The following OLR1 variants were observed in gnomAD, a reference collection of about 807,000 sequenced individuals.
The protein encoded by OLR1 is oxidized low-density lipoprotein receptor 1.
In OLR1, 23 loss-of-function variants were observed where a neutral mutation model predicts 31.7. The ratio of observed to expected loss-of-function variants is 0.72; its 90% confidence interval spans 0.52 to 1.03. The LOEUF is 1.03. Among genes scored for constraint, OLR1 ranks in the 50% least tolerant of loss-of-function variants. The probability of loss-of-function intolerance (pLI) is 0.00; values close to 1 mark genes in which losing one functional copy is unlikely to be tolerated. For missense variants in OLR1, 286 were observed against 315.7 expected, an observed-to-expected ratio of 0.91 and a Z score of 0.71; for synonymous variants, 117 against 115.8, an observed-to-expected ratio of 1.01 and a Z score of -0.07.
chr12:10,173,247 A>T (rs546770852), upstream of OLR1, among the ~76,000 whole-genome samples: 1 of 152,210 alleles, frequency 6.6e-6, no homozygotes, highest in African/African-American at 2.4e-5. Flanking sequence ...TGTCTTCTGA[A>T]GGAAGTATTT....
At chr12:10,162,604 G>A (rs1388152210) in intron 3 of OLR1, among the ~76,000 whole-genome samples, 1 of 152,156 alleles carries the variant, frequency 6.6e-6, no homozygotes, top group Non-Finnish European at 1.5e-5. Context: ...GAGGTGGGTG[G>A]ATCGCTTGAG....
upstream of OLR1, among the ~76,000 whole-genome samples, chr12:10,174,670 T>C (rs1259041071): frequency 6.6e-6 from 1 of 152,212 alleles, no homozygotes; most frequent in Non-Finnish European, 1.5e-5. Context: ...TTCCTTATAA[T>C]AAACCTATTT....
chr12:10,165,773 AAAAG>A (rs1948656701), intron 3 of OLR1, among the ~76,000 whole-genome samples: 1 of 152,226 alleles, frequency 6.6e-6, no homozygotes, highest in South Asian at 2.1e-4. Flanking sequence ...AAAATAAAAA[AAAAG>A]AAAGAAAAAT....
At chr12:10,171,174 T>C (rs556792854) in intron 1 of OLR1, among the ~76,000 whole-genome samples, 1 of 152,378 alleles carries the variant, frequency 6.6e-6, no homozygotes, top group South Asian at 2.1e-4. Flanking sequence ...CACTCCATGC[T>C]CACACTTATG....
At chr12:10,170,343 C>G (rs1334885019) in intron 1 of OLR1, 1 of 152,158 alleles carries the variant, frequency 6.6e-6, no homozygotes, top group Non-Finnish European at 1.5e-5. Context: ...GTGTGGCAAG[C>G]TAGCAGAGAA....
rs534826279 is a variant in OLR1 at position 10,164,352 on chromosome 12, C to A, written c.424+2360G>T. Among the ~76,000 whole-genome samples the A allele has an allele frequency of 5.2e-4, 79 of 152,234 alleles. 1 individual carries two copies. Among genetic ancestry groups the A allele is most frequent in the Non-Finnish European group, 1.0e-3 (70 of 67,996 alleles). The stretch of plus-strand genomic sequence containing the variant: ...GACACTTGCTAAAAATTATTTTGTT[C>A]AAAAATTTCTGCTAATTTTGAAAAT... On this transcript the variant is annotated intron_variant, in intron 3 of 5. Coordinates refer to ENST00000309539, the MANE Select transcript of OLR1 (RefSeq NM_002543.4).
chr12:10,168,019 C>T (rs1317569351), intron 2 of OLR1, among the ~76,000 whole-genome samples: 1 of 152,092 alleles, frequency 6.6e-6, no homozygotes, highest in Non-Finnish European at 1.5e-5. Flanking sequence ...CTAGGAAAGG[C>T]CCTAAGTATT....
At chr12:10,169,930 A>AT (rs916094586) in intron 1 of OLR1, among the ~76,000 whole-genome samples, 1 of 152,058 alleles carries the variant, frequency 6.6e-6, no homozygotes, top group African/African-American at 2.4e-5. Flanking sequence ...CACTAAAAAA[A>AT]AAAAAATCAC....
chr12:10,158,549 A>G lies in OLR1; in HGVS notation c.*1331T>C, dbSNP rs1289110960. 2 of 152,166 alleles carry G rather than the reference A, an allele frequency of 1.3e-5. No individual in the cohort carries two copies. Among genetic ancestry groups the G allele is most frequent in the Non-Finnish European group, 2.9e-5 (2 of 68,028 alleles). 9.4% of individuals were successfully genotyped at this position (152,166 alleles called of 1,614,324 possible). A position where few individuals can be genotyped will look rare whatever the true frequency, so the allele number is the denominator to read the frequency against. On this transcript the variant is annotated 3_prime_UTR_variant, in exon 6 of 6. Transcript: ENST00000309539. Reference sequence around the variant, plus strand: ...TATGATTCCATTCACATAAAACTACAAAATGCAAAATGAAAGCCGATTGGT... The same window carrying G: ...TATGATTCCATTCACATAAAACTACGAAATGCAAAATGAAAGCCGATTGGT...
At chr12:10,175,765 G>A (rs748914001), upstream of OLR1, among the ~76,000 whole-genome samples, 2 of 152,124 alleles carry the variant, frequency 1.3e-5, no homozygotes, top group Non-Finnish European at 2.9e-5. Context: ...TTGAAATCAG[G>A]GCTGTGGCCC....
rs34970770 is a variant in OLR1 at position 10,163,453 on chromosome 12, C to G, written c.425-2528G>C. On this transcript the variant is annotated intron_variant, in intron 3 of 5. Coordinates refer to ENST00000309539, the MANE Select transcript of OLR1 (RefSeq NM_002543.4). ...GTCTATTCCTGCAAAGGCCCTGCATCTCACTAGCTCGTTGGCCTAAAGCAA... is the reference window on the plus strand; with the variant it reads ...GTCTATTCCTGCAAAGGCCCTGCATGTCACTAGCTCGTTGGCCTAAAGCAA... Among the ~76,000 whole-genome samples the G allele has an allele frequency of 4.3e-3, 656 of 152,270 alleles. 2 individuals carry two copies. Among genetic ancestry groups the G allele is most frequent in the African/African-American group, 0.015 (630 of 41,540 alleles).
At chr12:10,163,274 A>G (rs1174410242) in intron 3 of OLR1, among the ~76,000 whole-genome samples, 2 of 152,070 alleles carry the variant, frequency 1.3e-5, no homozygotes, top group Admixed American at 6.6e-5. Context: ...TCAAACTTCT[A>G]AGTTAAAACC....
rs1264426225 is a variant in OLR1, at chr12:10,160,387, G to T, written c.640C>A (p.Pro214Thr). The T allele has an allele frequency of 3.7e-6, 6 of 1,613,762 alleles. No individual in the cohort carries two copies. Among genetic ancestry groups the T allele is most frequent in the African/African-American group, 1.3e-5 (1 of 74,896 alleles). The change falls in exon 5 of 6, where the codon CCA (proline) becomes ACA (threonine). Residue 214 changes from proline (P) to threonine (T), a missense_variant. Physicochemically the swap from Pro to Thr is conservative, Grantham distance 38. Coordinates refer to ENST00000309539, the MANE Select transcript of OLR1 (RefSeq NM_002543.4). ...GGAGAACCGTCCTCCCAGAGCCATG[G>T]GTAGCTGGGGTTCCTCCGAGACAGC... ...MGLSRRNPSY[P>T]WLWEDGSPLM...
At chr12:10,173,158 T>C (rs376756488), upstream of OLR1, among the ~76,000 whole-genome samples, 11 of 152,336 alleles carry the variant, frequency 7.2e-5, no homozygotes, top group African/African-American at 2.6e-4. Flanking sequence ...CCCATAAGTA[T>C]GTCTATATGT....
intron 3 of OLR1, among the ~76,000 whole-genome samples, chr12:10,162,230 G>A (rs1383879331): frequency 6.6e-6 from 1 of 151,954 alleles, no homozygotes; most frequent in Non-Finnish European, 1.5e-5. Flanking sequence ...AAGTACTCTG[G>A]TCTACACTAC....
chr12:10,163,002 T>C (rs760023502), intron 3 of OLR1, among the ~76,000 whole-genome samples: 3 of 142,628 alleles, frequency 2.1e-5, no homozygotes, highest in Non-Finnish European at 4.7e-5. Flanking sequence ...GAGTAAGTGA[T>C]ATTTGTGTTT....
chr12:10,166,804 C>T lies in OLR1; in HGVS notation c.332G>A (p.Arg111Gln), dbSNP rs758425239. Residue 111 changes from arginine to glutamine, a missense_variant, in exon 3 of 6, where the codon CGG becomes CAG. Physicochemically the swap from Arg to Gln is conservative, Grantham distance 43 (BLOSUM62 1). Coordinates refer to ENST00000309539, the MANE Select transcript of OLR1 (RefSeq NM_002543.4). ...ELKEMIETLA[R>Q]KLNEKSKEQM... ...CTCTTTGGATTTCTCATTCAGCTTC[C>T]GAGCAAGGGTTTCTATCATTTCCTT... is the stretch of plus-strand genomic sequence containing the variant. The T allele has an allele frequency of 1.2e-5, 20 of 1,613,632 alleles. No homozygotes were observed. The African/African-American group carries it at 1.7e-4, about 14-fold the overall frequency.
In OLR1 at chr12:10,159,849, AC is replaced by A. The variant is rs770787725; in HGVS notation, c.*30del. ...TTAAATTCCAGAATAAAACTCAAAG[AC>A]TTTTTTCTTTTCTTCCAGAGCCTTC... On this transcript the variant is annotated 3_prime_UTR_variant, in exon 6 of 6. Coordinates refer to ENST00000309539, the MANE Select transcript of OLR1 (RefSeq NM_002543.4). 6.4e-7 allele frequency: 1 copy of A among 1,569,846 alleles called. No homozygotes were observed. The highest frequency in any genetic ancestry group is 2.3e-5 in the East Asian group (1 of 44,246).
rs1209978841 is a variant in OLR1 at position 10,158,625 on chromosome 12, T to A, written c.*1255A>T. 6.6e-6 allele frequency: 1 copy of A among 152,162 alleles called. No individual in the cohort carries two copies. Among genetic ancestry groups the A allele is most frequent in the Non-Finnish European group, 1.5e-5 (1 of 68,028 alleles). 9.4% of individuals were successfully genotyped at this position (152,162 alleles called of 1,614,324 possible). ...AGGAGCATTGTGACACTTTGAGGGATGATGGATATGTTCACTCTCTTAATT... is the reference window on the plus strand; with the variant it reads ...AGGAGCATTGTGACACTTTGAGGGAAGATGGATATGTTCACTCTCTTAATT... On this transcript the variant is annotated 3_prime_UTR_variant, in exon 6 of 6. Coordinates refer to ENST00000309539, the MANE Select transcript of OLR1 (RefSeq NM_002543.4).
Sources: gnomAD v4.1 joint callset for allele counts (sites outside exome capture counted in the v4.1 genomes callset) on GRCh38, gnomAD v4.1.1 for gene constraint, MANE v1.5 for transcripts, NCBI Gene and HGNC (gene_info 2026-07-23, HGNC 2026-07-21) for gene names.